HSD17B3: variants seen among roughly 807,000 people sequenced by gnomAD.
HSD17B3 encodes hydroxysteroid 17-beta dehydrogenase 3, also known as 17-beta-hydroxysteroid dehydrogenase type 3.
Under a neutral mutation model 41.1 loss-of-function variants are expected in HSD17B3, and 29 were observed. The observed-to-expected ratio is 0.71, with a 90% confidence interval of 0.53 to 0.96. The LOEUF (loss-of-function observed/expected upper bound fraction) is 0.96. HSD17B3 is among the 40% of genes least tolerant of loss of function. HSD17B3 has a pLI of 0.00. For synonymous variants in HSD17B3, 126 were observed against 145.6 expected (o/e 0.87, Z 0.97); for missense variants, 323 against 374.6 (o/e 0.86, Z 1.14).
rs61373611 is a variant in HSD17B3 at position 96,290,456 on chromosome 9, C to CTTTTTTTTTTTTT, written c.201+7947_201+7959dup. ...GAAGGGCACTGTGGTATTTCCTGGG[C>CTTTTTTTTTTTTT]TTTTTTTTTTTTTTTTTTTTTTTCC... On this transcript the variant is annotated intron_variant, in intron 2 of 10. Coordinates refer to ENST00000375263, the MANE Select transcript of HSD17B3 (RefSeq NM_000197.2). 2.4e-4 allele frequency among the ~76,000 whole-genome samples: 19 copies of CTTTTTTTTTTTTT among 78,424 alleles called. 1 individual carries two copies. In the South Asian group the frequency reaches 3.5e-3, roughly 15 times the overall value. The allele number at this position is 78,424 out of a possible 152,430, so 51.4% of individuals were successfully genotyped here.
chr9:96,257,811 C>T (rs1220251104), intron 2 of HSD17B3, among the ~76,000 whole-genome samples: 2 of 152,102 alleles, frequency 1.3e-5, no homozygotes, highest in Non-Finnish European at 2.9e-5. Context: ...ACTACAGATG[C>T]GTGCCATCAT....
At chr9:96,291,528 G>T (rs1242269269) in intron 2 of HSD17B3, among the ~76,000 whole-genome samples, 1 of 152,156 alleles carries the variant, frequency 6.6e-6, no homozygotes, top group Non-Finnish European at 1.5e-5. Context: ...AAACCAAAAT[G>T]TTGAGGATTC....
intron 2 of HSD17B3, among the ~76,000 whole-genome samples, chr9:96,284,348 G>A (rs1826826991): frequency 6.6e-6 from 1 of 151,316 alleles, no homozygotes; most frequent in African/African-American, 2.4e-5. Context: ...TTTAACAATT[G>A]AGTAAAGTAT....
chr9:96,241,560 G>A (rs1836438794), intron 9 of HSD17B3, among the ~76,000 whole-genome samples: 1 of 152,096 alleles, frequency 6.6e-6, no homozygotes, highest in Non-Finnish European at 1.5e-5. Context: ...CCACCTGTGG[G>A]CTAACCACAT....
intron 10 of HSD17B3, among the ~76,000 whole-genome samples, chr9:96,236,621 C>T (rs559747329): frequency 4.6e-5 from 7 of 151,852 alleles, no homozygotes; most frequent in Admixed American, 3.3e-4. Flanking sequence ...GCATAGTGGG[C>T]GCTAAGGAAA....
At chr9:96,274,799 G>T (rs766460803) in intron 2 of HSD17B3, among the ~76,000 whole-genome samples, 1 of 152,102 alleles carries the variant, frequency 6.6e-6, no homozygotes, top group Non-Finnish European at 1.5e-5. Flanking sequence ...GTATTCCAAA[G>T]AGAACAGAGA....
intron 5 of HSD17B3, among the ~76,000 whole-genome samples, chr9:96,250,907 T>G (rs1411481850): frequency 2.1e-5 from 3 of 142,808 alleles, no homozygotes; most frequent in Non-Finnish European, 4.6e-5. Flanking sequence ...AAAAAAGAAC[T>G]GTTAAATCCA....
In HSD17B3 at chr9:96,283,815, C is replaced by CTTTGGAAATTGTGACATTAGAATAGA. The variant is rs1826800112; in HGVS notation, c.201+14575_201+14600dup. 7.2e-5 allele frequency among the ~76,000 whole-genome samples: 11 copies of CTTTGGAAATTGTGACATTAGAATAGA among 152,144 alleles called. No homozygotes were observed. In the South Asian group the frequency reaches 2.1e-3, roughly 29 times the overall value. ...GCTCTTAAATGCAGGTTTCTGATAACTTTGGAAATTGTGACATTAGAATAG... is the reference window on the plus strand; with the variant it reads ...GCTCTTAAATGCAGGTTTCTGATAACTTTGGAAATTGTGACATTAGAATAGATTTGGAAATTGTGACATTAGAATAG... On this transcript the variant is annotated intron_variant, in intron 2 of 10. Coordinates refer to ENST00000375263, the MANE Select transcript of HSD17B3 (RefSeq NM_000197.2).
rs558006683 is a variant in HSD17B3, at chr9:96,253,604, A to G, written c.278-694T>C. On this transcript the variant is annotated intron_variant, in intron 3 of 10. Transcript: ENST00000375263. ...CCACTCTCTGGTCACTCCACGTTCA[A>G]TGCGCTCCCCACTACTCTGTGTTAA... Among the ~76,000 whole-genome samples, 5 of 152,272 alleles carry G rather than the reference A, an allele frequency of 3.3e-5. No homozygotes were observed. In the South Asian group the frequency reaches 1.0e-3, roughly 32 times the overall value.
intron 2 of HSD17B3, among the ~76,000 whole-genome samples, chr9:96,290,361 A>G (rs1266999905): frequency 6.6e-6 from 1 of 151,996 alleles, no homozygotes; most frequent in East Asian, 1.9e-4. Flanking sequence ...ACCTGGACAC[A>G]ATACATAAAA....
chr9:96,259,880 A>G (rs1414909022), intron 2 of HSD17B3, among the ~76,000 whole-genome samples: 4 of 152,164 alleles, frequency 2.6e-5, no homozygotes, highest in Non-Finnish European at 5.9e-5. Flanking sequence ...TAGTCTGTTC[A>G]TCAGTATTTG....
At chr9:96,288,677 G>C (rs532384920) in intron 2 of HSD17B3, among the ~76,000 whole-genome samples, 6 of 151,818 alleles carry the variant, frequency 4.0e-5, no homozygotes, top group Non-Finnish European at 8.8e-5. Context: ...TGGCTCATGC[G>C]TGTAATCCCA....
At chr9:96,260,236 G>A (rs1174146656) in intron 2 of HSD17B3, among the ~76,000 whole-genome samples, 3 of 152,036 alleles carry the variant, frequency 2.0e-5, no homozygotes, top group African/African-American at 4.8e-5. Context: ...TGCTATCCTT[G>A]TCCCATTTTG....
intron 2 of HSD17B3, among the ~76,000 whole-genome samples, chr9:96,271,754 C>T (rs1323282692): frequency 6.6e-6 from 1 of 152,118 alleles, no homozygotes; most frequent in African/African-American, 2.4e-5. Context: ...GTTGTTGTTA[C>T]AGTTGCTAAT....
At chr9:96,269,909 GAA>G (rs59947729) in intron 2 of HSD17B3, among the ~76,000 whole-genome samples, 395 of 103,918 alleles carry the variant, frequency 3.8e-3, no homozygotes, top group African/African-American at 8.1e-3. Flanking sequence ...ATCTTAAAAA[GAA>G]AAAAAAAAAA....
rs1466614835 is a variant in HSD17B3 at position 96,249,558 on chromosome 9, T to C, written c.489+193A>G. 4.8e-6 allele frequency: 3 copies of C among 623,382 alleles called. No homozygotes were observed. In the African/African-American group the frequency reaches 5.5e-5, roughly 11 times the overall value. The allele number at this position is 623,382 out of a possible 1,614,324, so 38.6% of individuals were successfully genotyped here. On this transcript the variant is annotated intron_variant, in intron 6 of 10. Coordinates refer to ENST00000375263, the MANE Select transcript of HSD17B3 (RefSeq NM_000197.2). ...AATAGAATTCAGATACAAGGGAGAGTTGAATCCATTACTGTATTTTCTAGA... is the reference window on the plus strand; with the variant it reads ...AATAGAATTCAGATACAAGGGAGAGCTGAATCCATTACTGTATTTTCTAGA...
chr9:96,284,251 A>T (rs921166720), intron 2 of HSD17B3, among the ~76,000 whole-genome samples: 3 of 148,096 alleles, frequency 2.0e-5, no homozygotes, highest in Non-Finnish European at 4.5e-5. Flanking sequence ...GACTAAAGTA[A>T]TCTTTTTAAA....
At chr9:96,263,161 A>G (rs1009009708) in intron 2 of HSD17B3, among the ~76,000 whole-genome samples, 2 of 152,186 alleles carry the variant, frequency 1.3e-5, no homozygotes, top group African/African-American at 4.8e-5. Flanking sequence ...CCTCTCTGCA[A>G]TGATGCAGGG....
intron 4 of HSD17B3, among the ~76,000 whole-genome samples, chr9:96,252,380 TA>T (rs1293604091): frequency 6.6e-6 from 1 of 151,706 alleles, no homozygotes; most frequent in Non-Finnish European, 1.5e-5. Context: ...CCATCTCTAC[TA>T]AAAATACAAA....
Sources: gnomAD v4.1 joint callset for allele counts (sites outside exome capture counted in the v4.1 genomes callset) on GRCh38, gnomAD v4.1.1 for gene constraint, MANE v1.5 for transcripts, NCBI Gene and HGNC (gene_info 2026-07-23, HGNC 2026-07-21) for gene names.